Variants in GRID2 observed in about 807,000 individuals in gnomAD.
GRID2 encodes glutamate receptor ionotropic, delta-2.
A neutral mutation model predicts 114.8 loss-of-function variants in GRID2; 33 were observed. That is an observed-to-expected ratio of 0.29 (90% CI 0.22 to 0.38). The LOEUF is 0.38. Ranked by LOEUF, GRID2 falls within the 10% of genes least tolerant of loss-of-function variation. The probability of loss-of-function intolerance (pLI) is 1.00; values close to 1 mark genes in which losing one functional copy is unlikely to be tolerated. For missense variants in GRID2, 1,184 were observed against 1,257.7 expected (o/e 0.94, Z 0.89); for synonymous variants, 505 against 449.9 (o/e 1.12, Z -1.55).
At chr4:92,683,139 A>G (rs1423874493) in intron 2 of GRID2, among the ~76,000 whole-genome samples, 1 of 152,054 alleles carries the variant, frequency 6.6e-6, no homozygotes, top group Admixed American at 6.6e-5. Context: ...CTCTACTAAA[A>G]ATACCAAAAC....
intron 1 of GRID2, among the ~76,000 whole-genome samples, chr4:92,516,436 CAG>C (rs1724505539): frequency 6.6e-6 from 1 of 151,814 alleles, no homozygotes; most frequent in Admixed American, 6.6e-5. Flanking sequence ...AGCTTTGACC[CAG>C]AGTTGACCCA....
At chr4:93,316,390 A>AAGAAAGG (rs11282003) in intron 8 of GRID2, among the ~76,000 whole-genome samples, 68,001 of 143,366 alleles carry the variant, frequency 0.47, 17,262 homozygotes, top group East Asian at 0.63. Context: ...AAAGAATAGA[A>AAGAAAGG]AAGGAAGGAA....
At chr4:92,616,665 A>G (rs909933894) in intron 2 of GRID2, among the ~76,000 whole-genome samples, 1 of 135,198 alleles carries the variant, frequency 7.4e-6, no homozygotes, top group African/African-American at 2.6e-5. Context: ...TTCCTCAAAG[A>G]AAAAAACCAG....
intron 6 of GRID2, among the ~76,000 whole-genome samples, chr4:93,217,753 A>G (rs1266840576): frequency 6.6e-6 from 1 of 152,138 alleles, no homozygotes; most frequent in Non-Finnish European, 1.5e-5. Context: ...AATCTGTGCC[A>G]TAAAACAACT....
chr4:92,503,177 A>G (rs1723777624), intron 1 of GRID2, among the ~76,000 whole-genome samples: 3 of 152,132 alleles, frequency 2.0e-5, no homozygotes, highest in African/African-American at 7.2e-5. Flanking sequence ...ACAACATGAC[A>G]ATAAAAAGAT....
At chr4:92,740,314 T>C (rs559973782) in intron 2 of GRID2, among the ~76,000 whole-genome samples, 2 of 152,332 alleles carry the variant, frequency 1.3e-5, no homozygotes, top group South Asian at 4.1e-4. Flanking sequence ...GCCATGCCTT[T>C]CTGCATTTTT....
intron 1 of GRID2, among the ~76,000 whole-genome samples, chr4:92,424,989 CTT>C (rs1480021334): frequency 1.3e-5 from 2 of 151,724 alleles, no homozygotes; most frequent in African/African-American, 4.8e-5. Flanking sequence ...AAAATTAAGT[CTT>C]GTATTGTTAT....
intron 2 of GRID2, among the ~76,000 whole-genome samples, chr4:92,599,125 T>C (rs1466448236): frequency 6.6e-6 from 1 of 151,184 alleles, no homozygotes; most frequent in East Asian, 1.9e-4. Flanking sequence ...ATACATGTAG[T>C]GTAATTTATT....
chr4:92,923,299 A>C (rs1391865492), intron 2 of GRID2, among the ~76,000 whole-genome samples: 1 of 152,150 alleles, frequency 6.6e-6, no homozygotes, highest in East Asian at 1.9e-4. Context: ...TATGCTGATA[A>C]TTGAATATAC....
At chr4:92,950,656 G>A (rs1751963903) in intron 2 of GRID2, among the ~76,000 whole-genome samples, 1 of 152,050 alleles carries the variant, frequency 6.6e-6, no homozygotes, top group African/African-American at 2.4e-5. Flanking sequence ...GCATGGCAAT[G>A]CAATACATTT....
chr4:93,107,488 C>T (rs752848821), intron 3 of GRID2, among the ~76,000 whole-genome samples: 22 of 151,904 alleles, frequency 1.4e-4, no homozygotes, highest in African/African-American at 2.2e-4. Flanking sequence ...AGCTAAAAAA[C>T]GTTATATAGT....
intron 13 of GRID2, among the ~76,000 whole-genome samples, chr4:93,525,329 G>T (rs1730776183): frequency 6.6e-6 from 1 of 152,126 alleles, no homozygotes; most frequent in African/African-American, 2.4e-5. Context: ...GCATGAAGGT[G>T]AGCAGAGCAT....
At chr4:92,613,664 C>T (rs1395957610) in intron 2 of GRID2, among the ~76,000 whole-genome samples, 1 of 151,292 alleles carries the variant, frequency 6.6e-6, no homozygotes, top group African/African-American at 2.4e-5. Flanking sequence ...ATTTTATCTG[C>T]TCTGCTAACA....
rs189203710 is a variant in GRID2, at chr4:92,960,200, T to G, written c.245-124795T>G. ...TGGCCCAGAATGTGGTTTACCTTGG[T>G]GAATTTTCCATGTTAGCTTGAGAGG... On this transcript the variant is annotated intron_variant, in intron 2 of 15. Coordinates refer to ENST00000282020, the MANE Select transcript of GRID2 (RefSeq NM_001510.4). 7.2e-5 allele frequency among the ~76,000 whole-genome samples: 11 copies of G among 152,172 alleles called. No homozygotes were observed. The East Asian group carries it at 2.1e-3, about 29-fold the overall frequency.
Position 92,536,292 on chromosome 4 carries a change from G to C in GRID2, c.89-53839G>C, listed in dbSNP as rs148395962. On this transcript the variant is annotated intron_variant, in intron 1 of 15. Coordinates refer to ENST00000282020, the MANE Select transcript of GRID2 (RefSeq NM_001510.4). ...CCCCACCCGATTAGCTAGACACAGA[G>C]TGCTGATTGGTGTGTTTACAAACCT... Among the ~76,000 whole-genome samples the C allele has an allele frequency of 7.6e-3, 1,156 of 152,204 alleles. 12 individuals are homozygous for C. The highest frequency in any genetic ancestry group is 0.027 in the African/African-American group (1,102 of 41,510).
intron 2 of GRID2, among the ~76,000 whole-genome samples, chr4:93,058,373 T>G (rs1399201442): frequency 6.6e-6 from 1 of 152,034 alleles, no homozygotes; most frequent in South Asian, 2.1e-4. Context: ...CAATTGCTTT[T>G]ATGAGAAATT....
At chr4:93,783,104 C>G (rs552729167) in intron 1 of GRID2, among the ~76,000 whole-genome samples, 1 of 152,226 alleles carries the variant, frequency 6.6e-6, no homozygotes, top group East Asian at 1.9e-4. Context: ...GAAGTTTAAC[C>G]CCTTCTCATC....
At chr4:93,034,015 T>G (rs998537344) in intron 2 of GRID2, among the ~76,000 whole-genome samples, 1 of 152,140 alleles carries the variant, frequency 6.6e-6, no homozygotes, top group Non-Finnish European at 1.5e-5. Flanking sequence ...AATCGTCAGC[T>G]CTCCCTGAAG....
intron 14 of GRID2, among the ~76,000 whole-genome samples, chr4:93,634,533 CTG>C (rs1408837153): frequency 6.6e-6 from 1 of 152,068 alleles, no homozygotes; most frequent in African/African-American, 2.4e-5. Flanking sequence ...TTTGAGGAAA[CTG>C]AGCCTCAGAC....
Sources: gnomAD v4.1 joint callset for allele counts (sites outside exome capture counted in the v4.1 genomes callset) on GRCh38, gnomAD v4.1.1 for gene constraint, MANE v1.5 for transcripts, NCBI Gene and HGNC (gene_info 2026-07-23, HGNC 2026-07-21) for gene names.